BFSP2: variants seen among roughly 807,000 people sequenced by gnomAD.
BFSP2 encodes the protein beaded filament structural protein 2.
Under a neutral mutation model 44.9 loss-of-function variants are expected in BFSP2, and 38 were observed. That is an observed-to-expected ratio of 0.85 (90% CI 0.65 to 1.11). BFSP2 has a LOEUF of 1.11. Among genes scored for constraint, BFSP2 ranks in the 50% least tolerant of loss-of-function variants. The probability of loss-of-function intolerance (pLI) is 0.00; values close to 1 mark genes in which losing one functional copy is unlikely to be tolerated. For missense variants in BFSP2, 525 were observed against 533.0 expected (o/e 0.99, Z 0.15); for synonymous variants, 197 against 209.9 (o/e 0.94, Z 0.53).
intron 6 of BFSP2, 48 bp downstream of exon 6, chr3:133,472,613 C>T: frequency 6.4e-7 from 1 of 1,561,976 alleles, no homozygotes; most frequent in Non-Finnish European, 8.7e-7. Flanking sequence ...ATATTCATGG[C>T]TTTAAAAATA....
At chr3:133,450,160 C>A in intron 3 of BFSP2, 143 bp from the exon 4 acceptor site, 1 of 930,294 alleles carries the variant, frequency 1.1e-6, no homozygotes, top group Non-Finnish European at 1.7e-6. Flanking sequence ...AGGTCAGGGA[C>A]TTTCCCAGTC....
intron 1 of BFSP2, among the ~76,000 whole-genome samples, chr3:133,415,354 A>G (rs1363356909): frequency 8.4e-5 from 3 of 35,604 alleles, no homozygotes; most frequent in African/African-American, 1.3e-4. Flanking sequence ...TCTCCCCTCT[A>G]CTCACCCCTC....
chr3:133,446,796 G>T (rs1464747951), intron 1 of BFSP2, among the ~76,000 whole-genome samples: 1 of 150,488 alleles, frequency 6.6e-6, no homozygotes, highest in Non-Finnish European at 1.5e-5. Flanking sequence ...GTATGTTTTG[G>T]GGGAGACGAA....
intron 4 of BFSP2, among the ~76,000 whole-genome samples, chr3:133,464,523 T>G (rs529834302): frequency 2.0e-5 from 3 of 152,252 alleles, no homozygotes; most frequent in Non-Finnish European, 2.9e-5. Context: ...ATTAGTAGTA[T>G]TTAACTATTA....
At chr3:133,428,509 C>T (rs1362592807) in intron 1 of BFSP2, among the ~76,000 whole-genome samples, 2 of 150,658 alleles carry the variant, frequency 1.3e-5, no homozygotes, top group Non-Finnish European at 2.9e-5. Context: ...TGGGTCAGAG[C>T]AGTGACAGTA....
chr3:133,456,170 C>T (rs1317356578), intron 4 of BFSP2, among the ~76,000 whole-genome samples: 1 of 152,204 alleles, frequency 6.6e-6, no homozygotes, highest in Non-Finnish European at 1.5e-5. Context: ...AACAGCAGGT[C>T]TGCACTTGCC....
Position 133,472,358 on chromosome 3 carries a change from A to G in BFSP2, c.1037A>G (p.Glu346Gly). The change falls in exon 6 of 7, where the codon GAG (glutamate) becomes GGG (glycine). Residue 346 changes from glutamate (E) to glycine (G), a missense_variant. Glu to Gly is a moderately conservative substitution (Grantham distance 98). Coordinates refer to ENST00000302334, the MANE Select transcript of BFSP2 (RefSeq NM_003571.4). ...ESLRALKRGL[E>G]NTLHDAKHWH... ...GCTCTTTTGTAGAAACGAGGCCTGGAGAACACCTTGCACGATGCCAAGCAC... is the reference window on the plus strand; with the variant it reads ...GCTCTTTTGTAGAAACGAGGCCTGGGGAACACCTTGCACGATGCCAAGCAC... 6.2e-7 allele frequency: 1 copy of G among 1,612,742 alleles called. No homozygotes were observed. Among genetic ancestry groups the G allele is most frequent in the South Asian group, 1.1e-5 (1 of 91,032 alleles).
chr3:133,472,729 CA>C (rs1393814220), intron 6 of BFSP2, among the ~76,000 whole-genome samples, 164 bp downstream of exon 6: 2 of 152,192 alleles, frequency 1.3e-5, no homozygotes, highest in Non-Finnish European at 2.9e-5. Context: ...CTTTCCTATT[CA>C]CATACAAATA....
At chr3:133,443,507 C>T (rs189592350) in intron 1 of BFSP2, among the ~76,000 whole-genome samples, 5 of 152,008 alleles carry the variant, frequency 3.3e-5, no homozygotes, top group Non-Finnish European at 4.4e-5. Flanking sequence ...TCATGGAAGC[C>T]GAGACAGAAA....
At chr3:133,416,373 G>T (rs2073529574) in intron 1 of BFSP2, among the ~76,000 whole-genome samples, 1 of 121,268 alleles carries the variant, frequency 8.2e-6, no homozygotes, top group Non-Finnish European at 1.7e-5. Flanking sequence ...ACTCATGCCT[G>T]CCCTCTCCCC....
chr3:133,446,225 A>C (rs1414657268), intron 1 of BFSP2, among the ~76,000 whole-genome samples: 2 of 152,112 alleles, frequency 1.3e-5, no homozygotes, highest in Non-Finnish European at 2.9e-5. Flanking sequence ...GTTCGAGACC[A>C]GCCTGGCCAA....
At chr3:133,415,838 T>C (rs2073520168) in intron 1 of BFSP2, among the ~76,000 whole-genome samples, 1 of 133,636 alleles carries the variant, frequency 7.5e-6, no homozygotes, top group Non-Finnish European at 1.6e-5. Flanking sequence ...CTCTTCCCTC[T>C]ACTCACCCCT....
intron 1 of BFSP2, among the ~76,000 whole-genome samples, chr3:133,419,038 A>G (rs189229288): frequency 6.6e-6 from 1 of 152,278 alleles, no homozygotes; most frequent in East Asian, 1.9e-4. Flanking sequence ...TCCAAGATCA[A>G]GGTGTCAGCA....
chr3:133,448,425 T>A (rs552035038), intron 2 of BFSP2, 64 bp from the exon 3 acceptor site: 1 of 1,594,988 alleles, frequency 6.3e-7, no homozygotes, highest in South Asian at 1.1e-5. Flanking sequence ...TTGGTAACAT[T>A]TATAATCTGA....
At chr3:133,407,684 G>A (rs2073415770) in intron 1 of BFSP2, among the ~76,000 whole-genome samples, 3 of 152,120 alleles carry the variant, frequency 2.0e-5, no homozygotes, top group African/African-American at 7.2e-5. Flanking sequence ...CAAAAAAGAT[G>A]AGAAAACCAT....
At position 133,475,160 on chromosome 3, in the gene BFSP2, G is replaced by A. The variant is rs571904320; in HGVS notation, c.*188G>A. The stretch of plus-strand genomic sequence containing the variant: ...TTAATCTGAGTAGTCTGTAGCTTGA[G>A]CAATCTCCCTTGTCCTCCTTCAAAT... On this transcript the variant is annotated 3_prime_UTR_variant, in exon 7 of 7. Coordinates refer to ENST00000302334, the MANE Select transcript of BFSP2 (RefSeq NM_003571.4). The A allele has an allele frequency of 5.1e-6, 4 of 778,778 alleles. No homozygotes were observed. Among genetic ancestry groups the A allele is most frequent in the African/African-American group, 3.5e-5 (2 of 57,572 alleles). 48.2% of individuals were successfully genotyped at this position (778,778 alleles called of 1,614,324 possible). A position where few individuals can be genotyped will look rare whatever the true frequency, so the allele number is the denominator to read the frequency against.
chr3:133,405,845 G>A (rs1234879745), intron 1 of BFSP2, among the ~76,000 whole-genome samples: 3 of 152,200 alleles, frequency 2.0e-5, no homozygotes, highest in Non-Finnish European at 4.4e-5. Context: ...GGAAGAGTGA[G>A]GTATATGATT....
intron 4 of BFSP2, among the ~76,000 whole-genome samples, chr3:133,453,879 G>A (rs2073989537): frequency 6.6e-6 from 1 of 152,224 alleles, no homozygotes; most frequent in South Asian, 2.1e-4. Context: ...TTTATTAAGA[G>A]GTTCTGGCTA....
chr3:133,440,121 G>A (rs774910057), intron 1 of BFSP2, among the ~76,000 whole-genome samples: 8 of 152,166 alleles, frequency 5.3e-5, no homozygotes, highest in Non-Finnish European at 1.2e-4. Context: ...TTACATGGTG[G>A]CAGGCAAGAG....
Sources: gnomAD v4.1 joint callset for allele counts (sites outside exome capture counted in the v4.1 genomes callset) on GRCh38, gnomAD v4.1.1 for gene constraint, MANE v1.5 for transcripts, NCBI Gene and HGNC (gene_info 2026-07-23, HGNC 2026-07-21) for gene names.